LPIN2: variants seen among roughly 807,000 people sequenced by gnomAD.
LPIN2 encodes the protein phosphatidate phosphatase LPIN2.
In LPIN2, 55 loss-of-function variants were observed where a neutral mutation model predicts 111.4. The ratio of observed to expected loss-of-function variants is 0.49; its 90% CI spans 0.40 to 0.62. The LOEUF (loss-of-function observed/expected upper bound fraction) is 0.62, where lower values mean the gene tolerates loss of function less well. LPIN2 is among the 20% of genes least tolerant of loss of function. LPIN2 has a pLI of 0.00. For missense variants in LPIN2, 992 were observed against 1,112.1 expected, an observed-to-expected ratio of 0.89 and a Z score of 1.54; for synonymous variants, 425 against 414.0, an observed-to-expected ratio of 1.03 and a Z score of -0.32.
At chr18:2,921,715 A>C in intron 17 of LPIN2, 68 bp from the exon 18 acceptor site, 2 of 1,116,270 alleles carry the variant, frequency 1.8e-6, no homozygotes, top group Non-Finnish European at 2.7e-6. Flanking sequence ...GTGGTCCTAA[A>C]ATTTTAGTGC....
Position 3,011,482 on chromosome 18 carries a change from C to T in LPIN2, c.-10+1605G>A, listed in dbSNP as rs528506161. Reference sequence around the variant, plus strand: ...GGCGGATCACCTGAGGTCGGCAGTTCGAGACCAGCCTGGCCAACATGGTGA... The same window carrying T: ...GGCGGATCACCTGAGGTCGGCAGTTTGAGACCAGCCTGGCCAACATGGTGA... On this transcript the variant is annotated intron_variant, in intron 1 of 19. Coordinates refer to ENST00000677752, the MANE Select transcript of LPIN2 (RefSeq NM_001375808.2). 1.4e-3 allele frequency among the ~76,000 whole-genome samples: 213 copies of T among 152,098 alleles called. 6 individuals carry two copies. The South Asian group carries it at 0.043, about 31-fold the overall frequency.
At chr18:2,982,802 G>T (rs765057137) in intron 1 of LPIN2, 3 of 1,027,978 alleles carry the variant, frequency 2.9e-6, no homozygotes, top group South Asian at 2.7e-5. Context: ...TTTTTTCAGA[G>T]ATGAAGGTAT....
chr18:2,937,659 G>T, intron 7 of LPIN2, 33 bp downstream of exon 7: 1 of 1,547,654 alleles, frequency 6.5e-7, no homozygotes, highest in South Asian at 1.1e-5. Flanking sequence ...TCTAATTTGA[G>T]AGTACCTGGA....
At chr18:2,929,238 G>A (rs888399913) in intron 9 of LPIN2, 80 bp from the exon 10 acceptor site, 17 of 919,606 alleles carry the variant, frequency 1.8e-5, no homozygotes, top group Middle Eastern at 2.4e-4. Flanking sequence ...CTGCATTGCA[G>A]AAATTGAAGG....
In LPIN2 at chr18:2,954,508, T is replaced by C. The variant is rs774963267; in HGVS notation, c.284A>G (p.Glu95Gly). ...GTGTAACCCATGCAAACTTACATAT[T>C]CTTCTTCAGTCTCCTCAACAAAGAA... Reference protein sequence around the residue: ...EAFFVEETEEEYEKLPAYLAT... With the variant: ...EAFFVEETEEGYEKLPAYLAT... Residue 95 changes from glutamate to glycine, a missense_variant, in exon 3 of 20, where the codon GAA (glutamate) becomes GGA (glycine). Physicochemically the swap from Glu to Gly is moderately conservative, Grantham distance 98. Transcript: ENST00000677752. 3.1e-6 allele frequency: 5 copies of C among 1,612,190 alleles called. No individual in the cohort carries two copies. The highest frequency in any genetic ancestry group is 3.4e-6 in the Non-Finnish European group (4 of 1,178,322).
Position 2,942,204 on chromosome 18 carries a change from A to G in LPIN2, c.591-1492T>C, listed in dbSNP as rs143468078. Reference sequence around the variant, plus strand: ...TAATCTTTTAATTTAAGGTTTTCCTAACTCTGGTCTTCTTTCTCTAGGGCC... The same window carrying G: ...TAATCTTTTAATTTAAGGTTTTCCTGACTCTGGTCTTCTTTCTCTAGGGCC... On this transcript the variant is annotated intron_variant, in intron 4 of 19. Transcript: ENST00000677752. 2.0e-3 allele frequency among the ~76,000 whole-genome samples: 307 copies of G among 152,324 alleles called. 1 individual carries two copies. The highest frequency in any genetic ancestry group is 7.1e-3 in the African/African-American group (295 of 41,574).
chr18:2,936,419 G>A (rs1243368774), intron 7 of LPIN2, among the ~76,000 whole-genome samples: 3 of 152,150 alleles, frequency 2.0e-5, no homozygotes, highest in Non-Finnish European at 4.4e-5. Context: ...CCAAAAGTGA[G>A]GAAGAACTGT....
chr18:2,944,332 A>AATT (rs1568548486), intron 4 of LPIN2, among the ~76,000 whole-genome samples: 3 of 106,300 alleles, frequency 2.8e-5, no homozygotes, highest in Non-Finnish European at 3.9e-5. Flanking sequence ...ATTTCCACAA[A>AATT]CTTTTTTTTT....
At chr18:2,981,415 G>A (rs780533883) in intron 1 of LPIN2, among the ~76,000 whole-genome samples, 1 of 152,136 alleles carries the variant, frequency 6.6e-6, no homozygotes, top group Non-Finnish European at 1.5e-5. Flanking sequence ...ACATAAAATG[G>A]GACCGTTAAT....
intron 3 of LPIN2, among the ~76,000 whole-genome samples, chr18:2,952,580 A>C (rs750167260): frequency 1.3e-5 from 2 of 152,222 alleles, no homozygotes; most frequent in African/African-American, 2.4e-5. Flanking sequence ...AGTTTGATTT[A>C]GCTAGGAGAA....
chr18:3,007,001 T>TA (rs2078526280), intron 1 of LPIN2, among the ~76,000 whole-genome samples: 2 of 134,288 alleles, frequency 1.5e-5, no homozygotes, highest in Admixed American at 7.3e-5. Flanking sequence ...CCTTGTCTCT[T>TA]TAAAAAAAAA....
At position 2,945,496 on chromosome 18, in the gene LPIN2, A is replaced by C. The variant is rs2077437043; in HGVS notation, c.591-4784T>G. 2.4e-5 allele frequency: 22 copies of C among 922,728 alleles called. 1 individual carries two copies. In the South Asian group the frequency reaches 2.8e-4, roughly 12 times the overall value. 57.2% of individuals were successfully genotyped at this position (922,728 alleles called of 1,614,324 possible). A position where few individuals can be genotyped will look rare whatever the true frequency, so the allele number is the denominator to read the frequency against. ...TGACAGCAGCAAGCCACCACTTCAC[A>C]CAGTATTAAAAATTCTGAAATACGT... On this transcript the variant is annotated intron_variant, in intron 4 of 19. Coordinates refer to ENST00000677752, the MANE Select transcript of LPIN2 (RefSeq NM_001375808.2).
chr18:2,994,359 A>C (rs1446734942), intron 1 of LPIN2, among the ~76,000 whole-genome samples: 1 of 152,248 alleles, frequency 6.6e-6, no homozygotes, highest in Non-Finnish European at 1.5e-5. Context: ...GTCAGTGTAG[A>C]TGTGTGCAGC....
chr18:2,975,123 A>G (rs1436495632), intron 1 of LPIN2, among the ~76,000 whole-genome samples: 1 of 152,230 alleles, frequency 6.6e-6, no homozygotes, highest in African/African-American at 2.4e-5. Context: ...TGAGGCCCAG[A>G]GAAGCAACTT....
intron 1 of LPIN2, among the ~76,000 whole-genome samples, chr18:2,984,649 G>A (rs1361703800): frequency 2.6e-5 from 4 of 152,052 alleles, no homozygotes; most frequent in African/African-American, 4.8e-5. Flanking sequence ...ATATTCAACT[G>A]GATAGCAGGA....
At chr18:2,985,155 T>C (rs2078170226) in intron 1 of LPIN2, 1 of 152,284 alleles carries the variant, frequency 6.6e-6, no homozygotes, top group African/African-American at 2.4e-5. Context: ...TAAACATCTG[T>C]GTTGCCAACA....
At chr18:3,011,398 A>C (rs1598621302) in intron 1 of LPIN2, among the ~76,000 whole-genome samples, 1 of 124,136 alleles carries the variant, frequency 8.1e-6, no homozygotes, top group Admixed American at 9.1e-5. Flanking sequence ...GAGATACCTT[A>C]AGTCTGGCTG....
At chr18:2,995,174 A>ACTAT (rs1189171259) in intron 1 of LPIN2, among the ~76,000 whole-genome samples, 1 of 123,792 alleles carries the variant, frequency 8.1e-6, no homozygotes, top group Non-Finnish European at 1.8e-5. Context: ...TTAAAAAAGA[A>ACTAT]CTATGAACTG....
chr18:2,952,789 A>C (rs1406315777), intron 3 of LPIN2, among the ~76,000 whole-genome samples: 1 of 152,218 alleles, frequency 6.6e-6, no homozygotes, highest in African/African-American at 2.4e-5. Context: ...TGTAGGATGA[A>C]GATAACCTGA....
Sources: allele counts gnomAD v4.1 joint callset (sites outside exome capture counted in the v4.1 genomes callset), GRCh38; gene constraint gnomAD v4.1.1; transcripts MANE v1.5; gene names NCBI Gene and HGNC (gene_info 2026-07-23, HGNC 2026-07-21).